KCP: variants seen among roughly 807,000 people sequenced by gnomAD.
KCP encodes the protein kielin cysteine rich BMP regulator.
In KCP, 194 loss-of-function variants were observed where a neutral mutation model predicts 212.7. The observed-to-expected ratio is 0.91, with a 90% CI of 0.81 to 1.03. The LOEUF (loss-of-function observed/expected upper bound fraction) is 1.03, where lower values mean the gene tolerates loss of function less well. KCP is among the 50% of genes least tolerant of loss of function. The pLI, the probability that KCP is intolerant of heterozygous loss-of-function variation, is 0.00. For synonymous variants in KCP, 833 were observed against 865.3 expected, an observed-to-expected ratio of 0.96 and a Z score of 0.65; for missense variants, 2,080 against 2,162.5, an observed-to-expected ratio of 0.96 and a Z score of 0.76.
At position 128,891,549 on chromosome 7, in the gene KCP, G is replaced by C; in HGVS notation, c.1796-16C>G. 6.5e-7 allele frequency: 1 copy of C among 1,544,882 alleles called. No homozygotes were observed. Among genetic ancestry groups the C allele is most frequent in the South Asian group, 1.2e-5 (1 of 83,894 alleles). On this transcript the variant is annotated splice_polypyrimidine_tract_variant and intron_variant, in intron 17 of 39. Transcript: ENST00000610776. ...AAGGCACAGCCTGGGGGAGGGAGGG[G>C]CTATAGCCTGGGAGAGGGCGACTGC...
At chr7:128,908,278 G>GAAAGAAAGA (rs1795253878) in intron 2 of KCP, 148 bp downstream of exon 2, 1 of 558,034 alleles carries the variant, frequency 1.8e-6, no homozygotes, top group Non-Finnish European at 2.7e-6. Flanking sequence ...AAGAAAGAAA[G>GAAAGAAAGA]AAAGAAAGAA....
intron 38 of KCP, 120 bp downstream of exon 38, chr7:128,878,437 CA>C: frequency 8.7e-7 from 1 of 1,150,648 alleles, no homozygotes; most frequent in Non-Finnish European, 1.2e-6. Context: ...CCTGAAAGCC[CA>C]AAAGCCTATC....
chr7:128,887,739 A>G (rs1793758616), intron 22 of KCP, among the ~76,000 whole-genome samples: 1 of 148,624 alleles, frequency 6.7e-6, no homozygotes, highest in Non-Finnish European at 1.5e-5. Flanking sequence ...CCACACCCAC[A>G]CTCTCATACA....
chr7:128,883,338 C>T (rs1206135185), intron 29 of KCP, among the ~76,000 whole-genome samples: 3 of 151,948 alleles, frequency 2.0e-5, no homozygotes, highest in Non-Finnish European at 2.9e-5. Context: ...CGGGGTTTCA[C>T]CATGTTGGCC....
Position 128,896,716 on chromosome 7 carries a change from C to T in KCP, c.832-2423G>A, listed in dbSNP as rs182213662. On this transcript the variant is annotated intron_variant, in intron 8 of 39. Transcript: ENST00000610776. ...GACCATCCTGGCCAACACGGTGAAA[C>T]TCCGTCTCTACTAAAAATACAAAAA... Among the ~76,000 whole-genome samples the T allele has an allele frequency of 3.3e-3, 497 of 152,096 alleles. 4 individuals carry two copies. The highest frequency in any genetic ancestry group is 0.011 in the African/African-American group (471 of 41,480).
intron 29 of KCP, among the ~76,000 whole-genome samples, chr7:128,882,454 G>A (rs760831565): frequency 3.3e-5 from 5 of 152,188 alleles, no homozygotes; most frequent in Non-Finnish European, 7.3e-5. Flanking sequence ...CCACCTCTCT[G>A]AGCCTCAGTT....
chr7:128,878,528 A>G, intron 38 of KCP, 30 bp downstream of exon 38: 1 of 1,543,512 alleles, frequency 6.5e-7, no homozygotes, highest in Non-Finnish European at 8.8e-7. Context: ...GTCTCCCCTA[A>G]TCCCCATCCC....
At chr7:128,908,628 T>C in intron 1 of KCP, 60 bp from the exon 2 acceptor site, 1 of 1,510,060 alleles carries the variant, frequency 6.6e-7, no homozygotes, top group Admixed American at 2.1e-5. Context: ...GGCCACATTT[T>C]CTGGGTTCTG....
intron 5 of KCP, chr7:128,904,468 G>T: frequency 1.0e-6 from 1 of 1,003,600 alleles, no homozygotes; most frequent in Non-Finnish European, 1.5e-6. Context: ...GTCCCTTCCT[G>T]TTCCATCCCT....
At position 128,902,793 on chromosome 7, in the gene KCP, C is replaced by G. The variant is rs201353718; in HGVS notation, c.815G>C (p.Arg272Pro). The G allele has an allele frequency of 1.3e-5, 20 of 1,551,408 alleles. No individual in the cohort carries two copies. The African/African-American group carries it at 2.3e-4, about 18-fold the overall frequency. Residue 272 changes from arginine (R) to proline (P), a missense_variant, in exon 8 of 40, where the codon CGA (arginine) becomes CCA (proline). Transcript: ENST00000610776. ...QEWTTPGDPC[R>P]ICRCLEGHIQ... The stretch of plus-strand genomic sequence containing the variant: ...AGGACTCACCAGGCACCGGCAGATT[C>G]GGCAGGGGTCCCCAGGTGTTGTCCA...
rs1188690833 is a variant in KCP at position 128,880,031 on chromosome 7, G to C, written c.3814C>G (p.Pro1272Ala). The C allele has an allele frequency of 1.9e-6, 3 of 1,549,082 alleles. No individual in the cohort carries two copies. The highest frequency in any genetic ancestry group is 2.6e-6 in the Non-Finnish European group (3 of 1,146,682). The change falls in exon 35 of 40, where the codon CCC becomes GCC. Residue 1272 changes from proline (P) to alanine (A), a missense_variant. Pro to Ala is a conservative substitution (Grantham distance 27, BLOSUM62 -1). Coordinates refer to ENST00000610776, the MANE Select transcript of KCP (RefSeq NM_001366122.1). ...GSCCPRCLPR[P>A]ASCMAFGDPH... is the part of the protein sequence containing the mutation. ...TCTCCGAAGGCCATGCAGGAAGCGGGCCGAGGCAGGCAGCGGGGGCAGCAG... is the reference window on the plus strand; with the variant it reads ...TCTCCGAAGGCCATGCAGGAAGCGGCCCGAGGCAGGCAGCGGGGGCAGCAG...
At position 128,891,681 on chromosome 7, in the gene KCP, G is replaced by A. The variant is rs1244919810; in HGVS notation, c.1760C>T (p.Pro587Leu). 1.4e-5 allele frequency: 21 copies of A among 1,455,532 alleles called. No homozygotes were observed. Among genetic ancestry groups the A allele is most frequent in the Non-Finnish European group, 1.8e-5 (20 of 1,102,690 alleles). The allele number at this position is 1,455,532 out of a possible 1,614,324, so 90.2% of individuals were successfully genotyped here. A position where few individuals can be genotyped will look rare whatever the true frequency, so the allele number is the denominator to read the frequency against. The change falls in exon 17 of 40, where the codon CCG becomes CTG. Residue 587 changes from proline to leucine, a missense_variant. Physicochemically the swap from Pro to Leu is moderately conservative, Grantham distance 98. Transcript: ENST00000610776. ...GTTCGGGCAGCAGGTCCCAGGCAGCGGGTGGGCACAGGGGGCCCTGGGGCA... is the reference window on the plus strand; with the variant it reads ...GTTCGGGCAGCAGGTCCCAGGCAGCAGGTGGGCACAGGGGGCCCTGGGGCA... ...RPCPRAPCAH[P>L]LPGTCCPNDC...
In KCP at chr7:128,891,053, G is replaced by A; in HGVS notation, c.2016C>T (p.His672=). ...PAGCPRPGAA[H]ARHQEYFSPP... ...GGGAGAAGTACTCCTGGTGGCGGGC[G>A]TGGGCCGCGCCGGGCCGTGGGCAGC... The change falls in exon 20 of 40, where the codon CAC becomes CAT. Residue 672 remains histidine (H), a synonymous_variant. Coordinates refer to ENST00000610776, the MANE Select transcript of KCP (RefSeq NM_001366122.1). 7.2e-7 allele frequency: 1 copy of A among 1,392,548 alleles called. No homozygotes were observed. Among genetic ancestry groups the A allele is most frequent in the Non-Finnish European group, 9.3e-7 (1 of 1,080,398 alleles). The allele number at this position is 1,392,548 out of a possible 1,614,324, so 86.3% of individuals were successfully genotyped here.
intron 8 of KCP, among the ~76,000 whole-genome samples, chr7:128,900,998 G>T (rs1218739796): frequency 6.6e-6 from 1 of 152,202 alleles, no homozygotes; most frequent in Non-Finnish European, 1.5e-5. Context: ...GTCACAGGAT[G>T]AGATAGGAGG....
chr7:128,898,431 C>A (rs961309585), intron 8 of KCP, among the ~76,000 whole-genome samples: 9 of 152,226 alleles, frequency 5.9e-5, no homozygotes, highest in Admixed American at 5.9e-4. Flanking sequence ...GTTTGCCACA[C>A]CCCTAGCTGT....
In KCP at chr7:128,879,991, G is replaced by A; in HGVS notation, c.3854C>T (p.Thr1285Ile). The A allele has an allele frequency of 6.4e-7, 1 of 1,550,542 alleles. No individual in the cohort carries two copies. The highest frequency in any genetic ancestry group is 1.4e-5 in the African/African-American group (1 of 73,158). Residue 1285 changes from threonine to isoleucine, a missense_variant, in exon 35 of 40, where the codon ACC (threonine) becomes ATC (isoleucine). By Grantham distance (89) the Thr-to-Ile change is moderately conservative. Transcript: ENST00000610776. ...GAAGTGCAGCAGGCGGCCGTCGAAG[G>A]TGCGGTAATGGGGGTCTCCGAAGGC... ...CMAFGDPHYR[T>I]FDGRLLHFQG...
At position 128,893,426 on chromosome 7, in the gene KCP, G is replaced by A; in HGVS notation, c.1150C>T (p.Gln384Ter). Residue 384 changes from glutamine to a stop codon, truncating the protein, a stop_gained, in exon 12 of 40, where the codon CAA becomes TAA. Transcript: ENST00000610776. LOFTEE classifies it high-confidence loss of function. ...CAGCGGACACAGAGGCCCCGCTCTT[G>A]GAGTCTGAAGGTCTCCTGGCTCTGA... ...QYQSQETFRL[Q>*]ERGLCVRCSC... The A allele has an allele frequency of 6.4e-7, 1 of 1,551,652 alleles. No individual in the cohort carries two copies. The highest frequency in any genetic ancestry group is 8.7e-7 in the Non-Finnish European group (1 of 1,146,954).
rs1793914837 is a variant in KCP, at chr7:128,888,962, A to G, written c.2413T>C (p.Cys805Arg). The change falls in exon 22 of 40, where the codon TGT becomes CGT. Residue 805 changes from cysteine (C) to arginine (R), a missense_variant. By Grantham distance (180) the Cys-to-Arg change is radical. Transcript: ENST00000610776. ...CCGCAGGTCACGAAGCCTCCAAGAC[A>G]GGTACACAGGTTGCAGGGTTCTCGG... is the stretch of plus-strand genomic sequence containing the variant. ...DPREPCNLCT[C>R]LGGFVTCGRR... is the part of the protein sequence containing the mutation. The G allele has an allele frequency of 1.3e-6, 2 of 1,547,374 alleles. No homozygotes were observed. Among genetic ancestry groups the G allele is most frequent in the African/African-American group, 1.4e-5 (1 of 72,244 alleles).
In KCP at chr7:128,891,235, GGCAGCGGCAC is replaced by G; in HGVS notation, c.1912_1921del (p.Val638ProfsTer113). ...CGGCAGCAGGACAGGCTCTGGACAGGGCAGCGGCACGCAGCGGCGGGCCAGGCACTGCACG... is the reference window on the plus strand; with the variant it reads ...CGGCAGCAGGACAGGCTCTGGACAGGGCAGCGGCGGGCCAGGCACTGCACG... On this transcript the variant is annotated frameshift_variant, in exon 19 of 40. Transcript: ENST00000610776. LOFTEE classifies it high-confidence loss of function. 1 of 1,546,832 alleles carries G rather than the reference GGCAGCGGCAC, an allele frequency of 6.5e-7. No individual in the cohort carries two copies. The highest frequency in any genetic ancestry group is 1.2e-5 in the South Asian group (1 of 84,028).
Sources: gnomAD v4.1 joint callset for allele counts (sites outside exome capture counted in the v4.1 genomes callset) on GRCh38, gnomAD v4.1.1 for gene constraint, MANE v1.5 for transcripts, NCBI Gene and HGNC (gene_info 2026-07-23, HGNC 2026-07-21) for gene names.